RFPL1: variants seen among roughly 807,000 people sequenced by gnomAD.
RFPL1 encodes ret finger protein like 1.
Under a neutral mutation model 9.6 loss-of-function variants are expected in RFPL1, and 6 were observed. The ratio of observed to expected loss-of-function variants is 0.62; its 90% CI spans 0.34 to 1.23. The LOEUF is 1.23. Among genes scored for constraint, RFPL1 ranks in the 50% most tolerant of loss-of-function variants. The pLI is 0.03. For synonymous variants in RFPL1, 145 were observed against 149.4 expected (o/e 0.97, Z 0.22); for missense variants, 352 against 398.4 (o/e 0.88, Z 0.99).
the RFPL1 span, among the ~76,000 whole-genome samples, chr22:29,396,527 G>A: frequency 6.6e-6 from 1 of 152,194 alleles, no homozygotes; most frequent in Non-Finnish European, 1.5e-5. Flanking sequence ...AACATAGGTT[G>A]GTTGTGCCTT....
At chr22:29,390,487 T>C in the RFPL1 span, among the ~76,000 whole-genome samples, 6 of 152,136 alleles carry the variant, frequency 3.9e-5, no homozygotes, top group African/African-American at 1.4e-4. Flanking sequence ...CTTCCCACAA[T>C]GGTGACATTT....
chr22:29,388,318 C>G, the RFPL1 span: 1 of 152,528 alleles, frequency 6.6e-6, no homozygotes, highest in Non-Finnish European at 1.5e-5. Context: ...GCCCCTGCAG[C>G]GCCGCGTCCT....
chr22:29,436,137 G>C (rs1370267717), upstream of RFPL1, among the ~76,000 whole-genome samples: 1 of 152,022 alleles, frequency 6.6e-6, no homozygotes, highest in African/African-American at 2.4e-5. Flanking sequence ...AGGCTGGGAA[G>C]GGTAAGGGGG....
At chr22:29,421,405 T>A in the RFPL1 span, among the ~76,000 whole-genome samples, 1 of 151,494 alleles carries the variant, frequency 6.6e-6, no homozygotes, top group African/African-American at 2.4e-5. Flanking sequence ...CACTCCAGCC[T>A]GGGTGACAGA....
the RFPL1 span, among the ~76,000 whole-genome samples, chr22:29,398,872 G>A: frequency 2.6e-5 from 4 of 152,206 alleles, no homozygotes; most frequent in African/African-American, 7.2e-5. Context: ...TCTCTGGAAC[G>A]AATATACAAA....
the RFPL1 span, among the ~76,000 whole-genome samples, chr22:29,410,428 T>TATCTATATATAGATATATATA: frequency 2.0e-5 from 1 of 50,198 alleles, no homozygotes; most frequent in East Asian, 9.7e-4. Context: ...GATATATATA[T>TATCTATATATAGATATATATA]TGTAGATATA....
the RFPL1 span, among the ~76,000 whole-genome samples, chr22:29,424,057 G>A: frequency 6.6e-6 from 1 of 152,120 alleles, no homozygotes; most frequent in Non-Finnish European, 1.5e-5. Flanking sequence ...GTGCGTGCCT[G>A]TAATCCCAGT....
chr22:29,433,796 A>C (rs1168450292), upstream of RFPL1, among the ~76,000 whole-genome samples: 2 of 152,130 alleles, frequency 1.3e-5, no homozygotes, highest in East Asian at 3.9e-4. Flanking sequence ...ACCAGTGGCT[A>C]TGGGGCCCTT....
At chr22:29,401,908 T>C in the RFPL1 span, among the ~76,000 whole-genome samples, 1 of 152,210 alleles carries the variant, frequency 6.6e-6, no homozygotes, top group African/African-American at 2.4e-5. Context: ...GACAATTGAA[T>C]CCTCTAAGCC....
At chr22:29,407,927 A>G in the RFPL1 span, among the ~76,000 whole-genome samples, 3 of 152,162 alleles carry the variant, frequency 2.0e-5, no homozygotes, top group Non-Finnish European at 4.4e-5. Context: ...CCTCTGTTCT[A>G]TATCACACTG....
chr22:29,417,938 G>GA, the RFPL1 span, among the ~76,000 whole-genome samples: 1 of 129,382 alleles, frequency 7.7e-6, no homozygotes, highest in African/African-American at 3.0e-5. Context: ...ACCTTGAATG[G>GA]TTTTTTTTTT....
chr22:29,418,321 C>T, the RFPL1 span, among the ~76,000 whole-genome samples: 4 of 152,150 alleles, frequency 2.6e-5, no homozygotes, highest in East Asian at 1.9e-4. Context: ...GCTCTACACA[C>T]GACCTGCTTT....
At chr22:29,409,632 G>A in the RFPL1 span, among the ~76,000 whole-genome samples, 1 of 152,164 alleles carries the variant, frequency 6.6e-6, no homozygotes, top group Non-Finnish European at 1.5e-5. Context: ...TCATGACACC[G>A]GAGATGGTAA....
intron 1 of RFPL1, chr22:29,440,222 T>C (rs2146366797): frequency 6.6e-6 from 1 of 152,370 alleles, no homozygotes; most frequent in Non-Finnish European, 1.5e-5. Context: ...AGATTCACCC[T>C]GCCTAAGTCA....
At chr22:29,395,423 G>A in the RFPL1 span, among the ~76,000 whole-genome samples, 1 of 152,066 alleles carries the variant, frequency 6.6e-6, no homozygotes, top group African/African-American at 2.4e-5. Context: ...CTGAGGGCAG[G>A]CAGCTTCCCA....
the RFPL1 span, among the ~76,000 whole-genome samples, chr22:29,432,685 G>T: frequency 1.3e-5 from 2 of 152,158 alleles, no homozygotes; most frequent in Non-Finnish European, 2.9e-5. Flanking sequence ...GGACCGCTGG[G>T]CCTAGACCCT....
At chr22:29,410,227 A>G in the RFPL1 span, among the ~76,000 whole-genome samples, 9 of 138,264 alleles carry the variant, frequency 6.5e-5, no homozygotes, top group South Asian at 2.1e-4. Context: ...ATATATATAT[A>G]TAGATATATA....
chr22:29,404,375 A>C, the RFPL1 span, among the ~76,000 whole-genome samples: 1 of 152,282 alleles, frequency 6.6e-6, no homozygotes, highest in Non-Finnish European at 1.5e-5. Flanking sequence ...TTTGCTTTGT[A>C]ATTGATTGTG....
At chr22:29,391,553 G>C in the RFPL1 span, among the ~76,000 whole-genome samples, 1 of 152,146 alleles carries the variant, frequency 6.6e-6, no homozygotes, top group Admixed American at 6.5e-5. Context: ...TCAAGCTGGA[G>C]AGCTTATGTG....
Sources: gnomAD v4.1 joint callset for allele counts (sites outside exome capture counted in the v4.1 genomes callset) on GRCh38, gnomAD v4.1.1 for gene constraint, MANE v1.5 for transcripts, NCBI Gene and HGNC (gene_info 2026-07-23, HGNC 2026-07-21) for gene names.